The following FOXN2 variants were observed in gnomAD, a reference collection of about 807,000 sequenced individuals.
The protein encoded by FOXN2 is forkhead box protein N2.
FOXN2 carries 19 observed loss-of-function variants against 41.2 expected under a neutral mutation model. That is an observed-to-expected ratio of 0.46 (90% CI 0.32 to 0.68). The LOEUF (loss-of-function observed/expected upper bound fraction) is 0.68. Among genes scored for constraint, FOXN2 ranks in the 30% least tolerant of loss-of-function variants. The pLI is 0.03. For synonymous variants in FOXN2, 195 were observed against 176.8 expected (o/e 1.10, Z -0.82); for missense variants, 587 against 509.4 (o/e 1.15, Z -1.47).
chr2:48,334,232 AT>A (rs1558617386), intron 2 of FOXN2, among the ~76,000 whole-genome samples: 1 of 152,174 alleles, frequency 6.6e-6, no homozygotes, highest in East Asian at 1.9e-4. Context: ...GGTAAAATAC[AT>A]TTTTTATTAT....
intron 2 of FOXN2, among the ~76,000 whole-genome samples, chr2:48,341,452 T>C (rs1670767721): frequency 6.6e-6 from 1 of 152,192 alleles, no homozygotes; most frequent in Non-Finnish European, 1.5e-5. Context: ...TGCAGCTTTG[T>C]AACCAGAATG....
chr2:48,336,934 G>A (rs1670402862), intron 2 of FOXN2, among the ~76,000 whole-genome samples: 1 of 151,914 alleles, frequency 6.6e-6, no homozygotes, highest in Admixed American at 6.6e-5. Context: ...ATCATTTCAA[G>A]CATTTATCCT....
chr2:48,326,388 GGATTTT>G (rs1018005752), intron 1 of FOXN2, among the ~76,000 whole-genome samples: 14 of 152,162 alleles, frequency 9.2e-5, no homozygotes, highest in African/African-American at 3.4e-4. Context: ...ACAAGGTTAA[GGATTTT>G]GACCTAAGGG....
At chr2:48,360,918 GTGGGAGGATCGTTTGAGCC>G (rs1672130554) in intron 4 of FOXN2, among the ~76,000 whole-genome samples, 1 of 151,334 alleles carries the variant, frequency 6.6e-6, no homozygotes, top group South Asian at 2.1e-4. Context: ...GGAGGGTGAG[GTGGGAGGATCGTTTGAGCC>G]TGGGAGGCAG....
At chr2:48,348,787 AG>A (rs1280251975) in intron 3 of FOXN2, among the ~76,000 whole-genome samples, 1 of 152,258 alleles carries the variant, frequency 6.6e-6, no homozygotes, top group Non-Finnish European at 1.5e-5. Context: ...CTGGAGCAAT[AG>A]ATGACTTTTT....
At position 48,331,747 on chromosome 2, in the gene FOXN2, C is replaced by T. The variant is rs957965038; in HGVS notation, c.-15+3045C>T. Among the ~76,000 whole-genome samples, 4 of 150,976 alleles carry T rather than the reference C, an allele frequency of 2.6e-5. No homozygotes were observed. In the Admixed American group the frequency reaches 2.7e-4, roughly 10 times the overall value. On this transcript the variant is annotated intron_variant, in intron 2 of 6. Transcript: ENST00000340553. ...TAGGAGGATCGCTTGAGCCCAAGAG[C>T]TTGAGGTTGCAGTGAGCTATGATCA...
chr2:48,367,622 A>G (rs901053188), intron 5 of FOXN2, among the ~76,000 whole-genome samples: 3 of 152,256 alleles, frequency 2.0e-5, no homozygotes, highest in African/African-American at 7.2e-5. Flanking sequence ...TAATTACTAC[A>G]AAGCTTATAC....
In FOXN2 at chr2:48,346,666, C is replaced by T. The variant is rs943028385; in HGVS notation, c.452C>T (p.Thr151Ile). Residue 151 changes from threonine (T) to isoleucine (I), a missense_variant, in exon 3 of 7, where the codon ACT becomes ATT. Coordinates refer to ENST00000340553, the MANE Select transcript of FOXN2 (RefSeq NM_002158.4). ...CTGGACCATTTTCCATATTTTGCTACTGCACCAACAGGCTGGAAGAATTCT... is the reference window on the plus strand; with the variant it reads ...CTGGACCATTTTCCATATTTTGCTATTGCACCAACAGGCTGGAAGAATTCT... ...WILDHFPYFA[T>I]APTGWKNSVR... 2 of 1,613,914 alleles carry T rather than the reference C, an allele frequency of 1.2e-6. No homozygotes were observed. The highest frequency in any genetic ancestry group is 1.3e-5 in the African/African-American group (1 of 74,912).
chr2:48,374,272 A>T (rs1673092529), intron 6 of FOXN2, among the ~76,000 whole-genome samples: 1 of 152,178 alleles, frequency 6.6e-6, no homozygotes, highest in Non-Finnish European at 1.5e-5. Flanking sequence ...GAGGAAATAT[A>T]TGTGGGCAAT....
At chr2:48,338,877 T>C (rs1670547671) in intron 2 of FOXN2, among the ~76,000 whole-genome samples, 1 of 152,010 alleles carries the variant, frequency 6.6e-6, no homozygotes, top group South Asian at 2.1e-4. Context: ...CATATGAAAG[T>C]AAAGAAATTT....
chr2:48,320,181 C>T (rs1257108395), intron 1 of FOXN2, among the ~76,000 whole-genome samples: 1 of 152,070 alleles, frequency 6.6e-6, no homozygotes, highest in East Asian at 1.9e-4. Flanking sequence ...TTATATACTA[C>T]CTCTTTCTAT....
At chr2:48,372,659 TTAAA>T (rs1351830769) in intron 5 of FOXN2, among the ~76,000 whole-genome samples, 3 of 152,128 alleles carry the variant, frequency 2.0e-5, no homozygotes. Flanking sequence ...TGCCAGTCTT[TTAAA>T]GCCCATTTTT....
At chr2:48,337,612 C>G (rs1350692295) in intron 2 of FOXN2, among the ~76,000 whole-genome samples, 3 of 151,826 alleles carry the variant, frequency 2.0e-5, no homozygotes, top group African/African-American at 4.8e-5. Context: ...GGCCTGATCT[C>G]ATTCTTTTTC....
Position 48,346,635 on chromosome 2 carries a change from T to A in FOXN2, c.421T>A (p.Trp141Arg). The A allele has an allele frequency of 6.2e-7, 1 of 1,614,212 alleles. No homozygotes were observed. Among genetic ancestry groups the A allele is most frequent in the Non-Finnish European group, 8.5e-7 (1 of 1,180,012 alleles). The change falls in exon 3 of 7, where the codon TGG becomes AGG. Residue 141 changes from tryptophan (W) to arginine (R), a missense_variant. Physicochemically the swap from Trp to Arg is moderately radical, Grantham distance 101. Transcript: ENST00000340553. ...TTTGCCTGTCAAAGAAATTTATAGC[T>A]GGATTCTGGACCATTTTCCATATTT... ...KCLPVKEIYS[W>R]ILDHFPYFAT...
chr2:48,341,547 T>C (rs1252002008), intron 2 of FOXN2, among the ~76,000 whole-genome samples: 1 of 152,166 alleles, frequency 6.6e-6, no homozygotes, highest in Non-Finnish European at 1.5e-5. Flanking sequence ...ATGGTCAGTT[T>C]AGGATTTTAA....
intron 5 of FOXN2, among the ~76,000 whole-genome samples, chr2:48,369,516 C>T (rs751326720): frequency 2.0e-5 from 3 of 151,714 alleles, no homozygotes; most frequent in Non-Finnish European, 4.4e-5. Flanking sequence ...CCAGCCTGGA[C>T]GACAAGAGTG....
chr2:48,314,274 T>G (rs1668734748), upstream of FOXN2, among the ~76,000 whole-genome samples: 1 of 152,232 alleles, frequency 6.6e-6, no homozygotes, highest in Middle Eastern at 3.2e-3. Context: ...CCTCGACCAC[T>G]CAGCGGCCGC....
intron 2 of FOXN2, among the ~76,000 whole-genome samples, chr2:48,332,617 A>T (rs1048327975): frequency 1.3e-5 from 2 of 152,164 alleles, no homozygotes; most frequent in African/African-American, 4.8e-5. Flanking sequence ...AATATAAAGC[A>T]TTGTTACTGA....
At chr2:48,350,094 A>C (rs898152480) in intron 3 of FOXN2, among the ~76,000 whole-genome samples, 8 of 152,242 alleles carry the variant, frequency 5.3e-5, no homozygotes, top group Non-Finnish European at 1.0e-4. Flanking sequence ...GAATCTGCCA[A>C]GATTTAGGCA....
Sources: allele counts gnomAD v4.1 joint callset (sites outside exome capture counted in the v4.1 genomes callset), GRCh38; gene constraint gnomAD v4.1.1; transcripts MANE v1.5; gene names NCBI Gene and HGNC (gene_info 2026-07-23, HGNC 2026-07-21).